Variants in PTPN4 observed in about 807,000 individuals in gnomAD.
PTPN4 encodes the protein tyrosine-protein phosphatase non-receptor type 4.
A neutral mutation model predicts 135.5 loss-of-function variants in PTPN4; 49 were observed. That is an observed-to-expected ratio of 0.36 (90% confidence interval 0.29 to 0.46). PTPN4 has a LOEUF of 0.46. Among genes scored for constraint, PTPN4 ranks in the 20% least tolerant of loss-of-function variants. The pLI, the probability that PTPN4 is intolerant of heterozygous loss-of-function variation, is 1.00. For missense variants in PTPN4, 860 were observed against 1,101.0 expected, an observed-to-expected ratio of 0.78 and a Z score of 3.10; for synonymous variants, 333 against 369.9, an observed-to-expected ratio of 0.90 and a Z score of 1.14.
chr2:119,845,131 A>G (rs1335916908), intron 2 of PTPN4, among the ~76,000 whole-genome samples: 2 of 148,878 alleles, frequency 1.3e-5, no homozygotes, highest in African/African-American at 2.5e-5. Flanking sequence ...AATCACAGGC[A>G]CTGGGCAGGC....
intron 26 of PTPN4, among the ~76,000 whole-genome samples, chr2:119,968,795 A>G (rs1420324628): frequency 6.6e-6 from 1 of 152,226 alleles, no homozygotes; most frequent in Non-Finnish European, 1.5e-5. Flanking sequence ...CAGTCTCAAA[A>G]AAAAAGAACT....
chr2:119,780,223 T>C (rs1388635488), intron 1 of PTPN4, among the ~76,000 whole-genome samples: 1 of 152,232 alleles, frequency 6.6e-6, no homozygotes, highest in Non-Finnish European at 1.5e-5. Flanking sequence ...TCTGAACTAT[T>C]TGAGGATTGC....
chr2:119,766,728 A>G (rs1467990055), intron 1 of PTPN4, among the ~76,000 whole-genome samples: 1 of 152,170 alleles, frequency 6.6e-6, no homozygotes, highest in Non-Finnish European at 1.5e-5. Flanking sequence ...GAGCAGAGAG[A>G]CCAGATGCTG....
At chr2:119,961,968 G>A (rs1368429352) in intron 23 of PTPN4, among the ~76,000 whole-genome samples, 2 of 152,160 alleles carry the variant, frequency 1.3e-5, no homozygotes, top group Non-Finnish European at 2.9e-5. Context: ...TGTTCTAAAA[G>A]GGATTGTGGT....
chr2:119,915,487 T>C (rs1413544789), intron 11 of PTPN4: 5 of 259,826 alleles, frequency 1.9e-5, no homozygotes, highest in Non-Finnish European at 7.2e-6. Flanking sequence ...AACTGATTTC[T>C]CACACATGAT....
At chr2:119,907,435 A>AC (rs1678505531) in intron 10 of PTPN4, among the ~76,000 whole-genome samples, 3 of 90,972 alleles carry the variant, frequency 3.3e-5, no homozygotes, top group Non-Finnish European at 8.5e-5. Context: ...CCTCGTCTCT[A>AC]TAAAAAATAT....
chr2:119,805,463 T>C (rs987969800), intron 1 of PTPN4, among the ~76,000 whole-genome samples: 1 of 152,232 alleles, frequency 6.6e-6, no homozygotes, highest in African/African-American at 2.4e-5. Flanking sequence ...GAATTAATTT[T>C]TGTATAAGGT....
At chr2:119,770,203 A>C (rs1384883283) in intron 1 of PTPN4, among the ~76,000 whole-genome samples, 1 of 152,238 alleles carries the variant, frequency 6.6e-6, no homozygotes, top group Non-Finnish European at 1.5e-5. Flanking sequence ...TTCTTTCTTC[A>C]GAGGAACTTG....
chr2:119,841,864 CT>C (rs1677386833), intron 2 of PTPN4, among the ~76,000 whole-genome samples: 1 of 152,108 alleles, frequency 6.6e-6, no homozygotes, highest in South Asian at 2.1e-4. Context: ...GCTGTTGTTT[CT>C]TTCATAGTTT....
At chr2:119,949,477 A>G (rs1356438778) in intron 18 of PTPN4, among the ~76,000 whole-genome samples, 1 of 152,140 alleles carries the variant, frequency 6.6e-6, no homozygotes, top group Non-Finnish European at 1.5e-5. Context: ...ACAACTCCCA[A>G]TTAAAGTTAT....
intron 1 of PTPN4, among the ~76,000 whole-genome samples, chr2:119,793,648 G>A (rs1200736103): frequency 2.6e-5 from 4 of 152,054 alleles, no homozygotes; most frequent in Admixed American, 1.3e-4. Flanking sequence ...AAAGTCGGGC[G>A]TAAGAAATTA....
chr2:119,850,083 T>A (rs919346774), intron 2 of PTPN4, among the ~76,000 whole-genome samples: 1 of 152,238 alleles, frequency 6.6e-6, no homozygotes, highest in African/African-American at 2.4e-5. Context: ...AGCTGACGTA[T>A]GTTGTTTTCA....
At chr2:119,885,369 C>T (rs1678141168) in intron 8 of PTPN4, among the ~76,000 whole-genome samples, 1 of 152,114 alleles carries the variant, frequency 6.6e-6, no homozygotes, top group Non-Finnish European at 1.5e-5. Context: ...GTGAATCAAC[C>T]TCTGTCTGTG....
At chr2:119,950,105 T>C (rs1386418954) in intron 18 of PTPN4, among the ~76,000 whole-genome samples, 2 of 152,230 alleles carry the variant, frequency 1.3e-5, no homozygotes, top group African/African-American at 2.4e-5. Context: ...CTTTAACACA[T>C]AGACCACCTC....
intron 2 of PTPN4, among the ~76,000 whole-genome samples, chr2:119,844,239 G>T (rs1421036194): frequency 2.3e-5 from 3 of 129,684 alleles, no homozygotes; most frequent in Non-Finnish European, 4.9e-5. Flanking sequence ...GGGCAGAGGC[G>T]CCCCTCACCT....
chr2:119,779,874 A>G (rs1690907522), intron 1 of PTPN4, among the ~76,000 whole-genome samples: 1 of 152,040 alleles, frequency 6.6e-6, no homozygotes, highest in Non-Finnish European at 1.5e-5. Context: ...CCTTCTGGGT[A>G]GTTGGGACCA....
intron 2 of PTPN4, among the ~76,000 whole-genome samples, chr2:119,820,513 C>T (rs1055981649): frequency 6.6e-6 from 1 of 152,170 alleles, no homozygotes; most frequent in African/African-American, 2.4e-5. Flanking sequence ...CAAGAATCCC[C>T]CAAGGAAGCC....
In PTPN4 at chr2:119,900,729, C is replaced by T. The variant is rs1283569160; in HGVS notation, c.687C>T (p.Asn229=). Residue 229 remains asparagine, a synonymous_variant, in exon 10 of 27, where the codon AAC becomes AAT. Transcript: ENST00000263708. ...CATTTTTTTTGAAGGATCAGAGTAA[C>T]AATGAAATTATGATTGGAGTGATGT... is the stretch of plus-strand genomic sequence containing the variant. ...VEFHYARDQS[N]NEIMIGVMSG... is the part of the protein sequence containing the mutation. 1.3e-6 allele frequency: 2 copies of T among 1,570,752 alleles called. No homozygotes were observed. The highest frequency in any genetic ancestry group is 1.4e-5 in the African/African-American group (1 of 73,656).
chr2:119,869,855 T>C (rs1355905930), intron 3 of PTPN4, among the ~76,000 whole-genome samples: 1 of 152,212 alleles, frequency 6.6e-6, no homozygotes, highest in Non-Finnish European at 1.5e-5. Flanking sequence ...TGACATTCAG[T>C]GTTGACAGGA....
Sources: gnomAD v4.1 joint callset for allele counts (sites outside exome capture counted in the v4.1 genomes callset) on GRCh38, gnomAD v4.1.1 for gene constraint, MANE v1.5 for transcripts, NCBI Gene and HGNC (gene_info 2026-07-23, HGNC 2026-07-21) for gene names.